Variants in BRMS1L observed in about 807,000 individuals in gnomAD.
BRMS1L encodes the protein BRMS1 like transcriptional repressor.
BRMS1L carries 23 observed loss-of-function variants against 50.3 expected under a neutral mutation model. The observed-to-expected ratio is 0.46, with a 90% CI of 0.33 to 0.65. The LOEUF is 0.65. Ranked by LOEUF, BRMS1L falls within the 30% of genes least tolerant of loss-of-function variation. The pLI, the probability that BRMS1L is intolerant of heterozygous loss-of-function variation, is 0.02. For missense variants in BRMS1L, 286 were observed against 386.1 expected (o/e 0.74, Z 2.17); for synonymous variants, 114 against 126.9 (o/e 0.90, Z 0.69).
intron 9 of BRMS1L, among the ~76,000 whole-genome samples, chr14:35,868,498 T>C (rs2078449186): frequency 6.6e-6 from 1 of 152,150 alleles, no homozygotes; most frequent in African/African-American, 2.4e-5. Context: ...TAAAGTATAA[T>C]CTAGGGCTGG....
At chr14:35,838,309 T>G (rs574212091) in intron 4 of BRMS1L, among the ~76,000 whole-genome samples, 2 of 152,348 alleles carry the variant, frequency 1.3e-5, no homozygotes, top group South Asian at 4.1e-4. Context: ...GTCTTTGTTA[T>G]TGTGAACAGT....
chr14:35,826,774 G>A (rs970901951), intron 1 of BRMS1L, 116 bp downstream of exon 1: 1 of 1,414,876 alleles, frequency 7.1e-7, no homozygotes, highest in South Asian at 1.3e-5. Flanking sequence ...AGAGGGAAGG[G>A]GCGGAGACTG....
chr14:35,847,025 A>T (rs1367209599), intron 4 of BRMS1L, among the ~76,000 whole-genome samples: 1 of 151,984 alleles, frequency 6.6e-6, no homozygotes, highest in Admixed American at 6.6e-5. Flanking sequence ...CCTAGGCTGG[A>T]GTGCAGTGGC....
chr14:35,862,542 C>G lies in BRMS1L; in HGVS notation c.442-48C>G, dbSNP rs535395968. On this transcript the variant is annotated intron_variant, in intron 4 of 9. Transcript: ENST00000216807. The stretch of plus-strand genomic sequence containing the variant: ...TTATTTGGTACTCTTAGTTAAGATA[C>G]ACCAATTTTTTTCTTTCTACTTAAG... 17 of 1,318,314 alleles carry G rather than the reference C, an allele frequency of 1.3e-5. No individual in the cohort carries two copies. In the African/African-American group the frequency reaches 2.1e-4, roughly 16 times the overall value. 81.7% of individuals were successfully genotyped at this position (1,318,314 alleles called of 1,614,324 possible).
intron 5 of BRMS1L, among the ~76,000 whole-genome samples, chr14:35,863,498 C>T (rs1017073157): frequency 2.6e-5 from 4 of 152,162 alleles, no homozygotes; most frequent in Non-Finnish European, 5.9e-5. Context: ...TGACCATGGA[C>T]AGTTACTTCA....
intron 4 of BRMS1L, among the ~76,000 whole-genome samples, chr14:35,851,553 GA>G (rs1451421810): frequency 6.6e-6 from 1 of 152,202 alleles, no homozygotes; most frequent in African/African-American, 2.4e-5. Flanking sequence ...AAGAAGACAG[GA>G]GGAGGATTAA....
chr14:35,865,608 T>G (rs2078409739), intron 7 of BRMS1L, 114 bp from the exon 8 acceptor site: 1 of 796,444 alleles, frequency 1.3e-6, no homozygotes, highest in Admixed American at 3.1e-5. Flanking sequence ...TATACTTTAC[T>G]GTCTTTGTTA....
intron 3 of BRMS1L, among the ~76,000 whole-genome samples, chr14:35,833,863 C>A (rs1272411827): frequency 6.6e-6 from 1 of 151,902 alleles, no homozygotes; most frequent in Admixed American, 6.6e-5. Flanking sequence ...TTTACTAAAC[C>A]CTCCTTTAAC....
At chr14:35,841,795 T>A (rs2078067511) in intron 4 of BRMS1L, among the ~76,000 whole-genome samples, 1 of 152,176 alleles carries the variant, frequency 6.6e-6, no homozygotes, top group African/African-American at 2.4e-5. Context: ...CTCTCACTAT[T>A]ACTGTGTGGG....
chr14:35,839,152 G>A (rs890787422), intron 4 of BRMS1L, among the ~76,000 whole-genome samples: 3 of 152,092 alleles, frequency 2.0e-5, no homozygotes, highest in Admixed American at 6.6e-5. Flanking sequence ...GCTTGTTTTT[G>A]TCAGGTTTGT....
At position 35,867,989 on chromosome 14, in the gene BRMS1L, G is replaced by T; in HGVS notation, c.811G>T (p.Gly271Ter). The change falls in exon 9 of 10, where the codon GGA (glycine) becomes TGA (stop). Residue 271 changes from glycine (G) to a stop codon, truncating the protein, a stop_gained. Coordinates refer to ENST00000216807, the MANE Select transcript of BRMS1L (RefSeq NM_032352.4). LOFTEE classifies it high-confidence loss of function. ...TTATGATGGTGAATGGTATATACGT[G>T]GACAAACAATATGTATTGATAAAAA... ...LYYDGEWYIR[G>*]QTICIDKKDE... 1 of 1,609,758 alleles carries T rather than the reference G, an allele frequency of 6.2e-7. No homozygotes were observed. The highest frequency in any genetic ancestry group is 8.5e-7 in the Non-Finnish European group (1 of 1,178,460).
intron 4 of BRMS1L, among the ~76,000 whole-genome samples, chr14:35,845,483 G>C (rs7140602): frequency 0.046 from 7,015 of 152,162 alleles, 544 homozygotes; most frequent in African/African-American, 0.16. Context: ...TTATTCTCAT[G>C]ATCTATTGCT....
rs150823722 is a variant in BRMS1L, at chr14:35,829,009, G to A, written c.142+2351G>A. 2.1e-3 allele frequency among the ~76,000 whole-genome samples: 322 copies of A among 151,196 alleles called. 4 individuals are homozygous for A. Among genetic ancestry groups the A allele is most frequent in the African/African-American group, 7.5e-3 (309 of 41,132 alleles). On this transcript the variant is annotated intron_variant, in intron 1 of 9. Transcript: ENST00000216807. Reference sequence around the variant, plus strand: ...CACCCAGGCTGGAGTGCAGTGGCACGATCTTGGCTCGCTGCAACCTCTGCC... The same window carrying A: ...CACCCAGGCTGGAGTGCAGTGGCACAATCTTGGCTCGCTGCAACCTCTGCC...
intron 4 of BRMS1L, among the ~76,000 whole-genome samples, chr14:35,841,848 A>G (rs1231508502): frequency 6.6e-6 from 1 of 152,150 alleles, no homozygotes; most frequent in Admixed American, 6.6e-5. Context: ...ATGAATCTGC[A>G]TGCTCCTGTA....
At chr14:35,866,484 A>G (rs1259041545) in intron 8 of BRMS1L, among the ~76,000 whole-genome samples, 1 of 152,208 alleles carries the variant, frequency 6.6e-6, no homozygotes, top group Non-Finnish European at 1.5e-5. Flanking sequence ...CAGGAGGATC[A>G]CTTGAGCCCA....
At chr14:35,834,746 C>A in intron 3 of BRMS1L, 98 bp from the exon 4 acceptor site, 2 of 760,534 alleles carry the variant, frequency 2.6e-6, no homozygotes, top group Non-Finnish European at 3.7e-6. Flanking sequence ...TTTTCTTGAT[C>A]CATCTTATTA....
chr14:35,868,160 A>ACACATGTAATCAAGC, intron 9 of BRMS1L, 128 bp downstream of exon 9: 2 of 862,016 alleles, frequency 2.3e-6, no homozygotes, highest in Non-Finnish European at 3.4e-6. Context: ...TTTTCACTTG[A>ACACATGTAATCAAGC]CATATGGCTT....
At chr14:35,836,587 C>T (rs2077997202) in intron 4 of BRMS1L, among the ~76,000 whole-genome samples, 1 of 152,220 alleles carries the variant, frequency 6.6e-6, no homozygotes, top group Non-Finnish European at 1.5e-5. Flanking sequence ...AGCAGTCCTC[C>T]TGCCTTGGCC....
intron 4 of BRMS1L, among the ~76,000 whole-genome samples, chr14:35,850,875 C>A (rs748565725): frequency 1.8e-4 from 28 of 152,174 alleles, no homozygotes; most frequent in Non-Finnish European, 3.7e-4. Flanking sequence ...ACAGTTCTTA[C>A]AAAAGTTGTC....
Sources: allele counts gnomAD v4.1 joint callset (sites outside exome capture counted in the v4.1 genomes callset), GRCh38; gene constraint gnomAD v4.1.1; transcripts MANE v1.5; gene names NCBI Gene and HGNC (gene_info 2026-07-23, HGNC 2026-07-21).